NRXN1: variants seen among roughly 807,000 people sequenced by gnomAD.
NRXN1 encodes the protein neurexin-1.
NRXN1 carries 39 observed loss-of-function variants against 150.9 expected under a neutral mutation model. The ratio of observed to expected loss-of-function variants is 0.26; its 90% CI spans 0.20 to 0.34. The LOEUF is 0.34. Among genes scored for constraint, NRXN1 ranks in the 10% least tolerant of loss-of-function variants. NRXN1 has a pLI of 1.00. For synonymous variants in NRXN1, 924 were observed against 757.0 expected, an observed-to-expected ratio of 1.22 and a Z score of -3.62; for missense variants, 1,815 against 1,949.9, an observed-to-expected ratio of 0.93 and a Z score of 1.30.
intron 21 of NRXN1, among the ~76,000 whole-genome samples, chr2:50,028,423 G>C (rs747421047): frequency 1.3e-5 from 2 of 152,182 alleles, no homozygotes. Context: ...AACACAATTT[G>C]ACTGACCTTC....
At chr2:50,511,525 T>C (rs981404665) in intron 12 of NRXN1, among the ~76,000 whole-genome samples, 4 of 152,222 alleles carry the variant, frequency 2.6e-5, no homozygotes, top group Admixed American at 2.6e-4. Flanking sequence ...CTGGTGATAT[T>C]CACTGGGTTT....
chr2:50,091,779 C>T (rs1422606782), intron 18 of NRXN1, among the ~76,000 whole-genome samples: 1 of 152,222 alleles, frequency 6.6e-6, no homozygotes, highest in Non-Finnish European at 1.5e-5. Flanking sequence ...GCTGCCTGCA[C>T]AAAGGACATC....
At chr2:50,448,434 A>G (rs1205533441) in intron 17 of NRXN1, among the ~76,000 whole-genome samples, 6 of 152,182 alleles carry the variant, frequency 3.9e-5, no homozygotes, top group African/African-American at 1.4e-4. Context: ...AGATAAGGAA[A>G]CAAAGGGGCC....
intron 5 of NRXN1, among the ~76,000 whole-genome samples, chr2:50,734,867 T>C (rs1331115762): frequency 6.6e-6 from 1 of 152,086 alleles, no homozygotes; most frequent in African/African-American, 2.4e-5. Flanking sequence ...GAATGTAAAA[T>C]GAAATATACA....
At chr2:50,881,022 GATT>G (rs895477092) in intron 5 of NRXN1, among the ~76,000 whole-genome samples, 6 of 151,874 alleles carry the variant, frequency 4.0e-5, no homozygotes, top group Non-Finnish European at 8.8e-5. Context: ...GCTAATTTTA[GATT>G]ATTAAGTAGC....
intron 17 of NRXN1, among the ~76,000 whole-genome samples, chr2:50,414,046 TG>T (rs1382936837): frequency 1.2e-5 from 1 of 80,626 alleles, no homozygotes; most frequent in Non-Finnish European, 2.3e-5. Flanking sequence ...GGTAGTGGGG[TG>T]GGGGGTGGGA....
intron 2 of NRXN1, among the ~76,000 whole-genome samples, chr2:50,968,389 A>C (rs1417377960): frequency 6.6e-6 from 1 of 152,218 alleles, no homozygotes; most frequent in East Asian, 1.9e-4. Flanking sequence ...TTAATAACTG[A>C]GTAAATGGAA....
In NRXN1 at chr2:50,978,332, G is replaced by C. The variant is rs1696250956; in HGVS notation, c.772+49170C>G. On this transcript the variant is annotated intron_variant, in intron 2 of 22. Coordinates refer to ENST00000401669, the MANE Select transcript of NRXN1 (RefSeq NM_001330078.2). ...AAATATATATATTATAGATAGATTT[G>C]TTTTTAAATGGAATTATAATTTTCC... is the stretch of plus-strand genomic sequence containing the variant. Among the ~76,000 whole-genome samples the C allele has an allele frequency of 2.5e-5, 3 of 117,716 alleles. No homozygotes were observed. The South Asian group carries it at 8.0e-4, about 31-fold the overall frequency. 77.2% of individuals were successfully genotyped at this position (117,716 alleles called of 152,430 possible).
At chr2:51,026,490 C>G (rs1670494633) in intron 2 of NRXN1, 1 of 1,522,566 alleles carries the variant, frequency 6.6e-7, no homozygotes, top group Admixed American at 1.9e-5. Flanking sequence ...GAAAAGAGAA[C>G]TTAGGTATGA....
intron 2 of NRXN1, among the ~76,000 whole-genome samples, chr2:50,939,820 C>T (rs1051477743): frequency 6.6e-6 from 1 of 152,178 alleles, no homozygotes; most frequent in Non-Finnish European, 1.5e-5. Context: ...ACATGACATA[C>T]ATGTTCTGAT....
At chr2:50,640,113 A>G (rs1394728416) in intron 5 of NRXN1, among the ~76,000 whole-genome samples, 1 of 152,268 alleles carries the variant, frequency 6.6e-6, no homozygotes, top group Admixed American at 6.5e-5. Flanking sequence ...CATCAAAGCA[A>G]TATCAACTAA....
intron 21 of NRXN1, among the ~76,000 whole-genome samples, chr2:50,033,230 T>C (rs1689448797): frequency 1.3e-5 from 2 of 151,914 alleles, no homozygotes; most frequent in Non-Finnish European, 2.9e-5. Flanking sequence ...CAAAGAATAC[T>C]ACAGGGCTAC....
At chr2:51,026,006 G>C (rs181891318) in intron 2 of NRXN1, among the ~76,000 whole-genome samples, 25 of 151,962 alleles carry the variant, frequency 1.6e-4, no homozygotes, top group South Asian at 4.2e-4. Context: ...CTAAAGACCA[G>C]TTTTTTTTCT....
intron 15 of NRXN1, among the ~76,000 whole-genome samples, chr2:50,484,154 TATAAAGC>T (rs1283654058): frequency 1.3e-5 from 2 of 152,194 alleles, no homozygotes; most frequent in Admixed American, 6.5e-5. Context: ...GACAAAGTAG[TATAAAGC>T]ACACACAAAA....
chr2:49,977,386 T>G (rs72834721), intron 21 of NRXN1, among the ~76,000 whole-genome samples: 3,182 of 152,254 alleles, frequency 0.021, 42 homozygotes, highest in Non-Finnish European at 0.035. Context: ...TGCTAATCAT[T>G]CTATAATGTA....
intron 5 of NRXN1, among the ~76,000 whole-genome samples, chr2:50,721,881 T>C (rs1279608054): frequency 6.6e-6 from 1 of 152,132 alleles, no homozygotes; most frequent in African/African-American, 2.4e-5. Flanking sequence ...TTCCCGAAAC[T>C]AGTGAGTAGC....
intron 21 of NRXN1, among the ~76,000 whole-genome samples, chr2:50,034,682 A>T (rs1689746336): frequency 6.6e-6 from 1 of 152,156 alleles, no homozygotes; most frequent in East Asian, 1.9e-4. Context: ...TTTTCATAGT[A>T]GGTGTTTTAC....
At chr2:50,169,068 A>T (rs779433692) in intron 18 of NRXN1, among the ~76,000 whole-genome samples, 5 of 152,210 alleles carry the variant, frequency 3.3e-5, no homozygotes. Flanking sequence ...AATAGCTCAT[A>T]TTGAGCAAGT....
chr2:50,014,829 A>T (rs1425976172), intron 21 of NRXN1, among the ~76,000 whole-genome samples: 1 of 152,170 alleles, frequency 6.6e-6, no homozygotes, highest in Non-Finnish European at 1.5e-5. Context: ...GGAATCTAGC[A>T]TAAACAAAAA....
Sources: gnomAD v4.1 joint callset for allele counts (sites outside exome capture counted in the v4.1 genomes callset) on GRCh38, gnomAD v4.1.1 for gene constraint, MANE v1.5 for transcripts, NCBI Gene and HGNC (gene_info 2026-07-23, HGNC 2026-07-21) for gene names.